CREBBP: variants seen among roughly 807,000 people sequenced by gnomAD.
CREBBP encodes the protein CREB binding lysine acetyltransferase, also known as CREB-binding protein.
A neutral mutation model predicts 265.0 loss-of-function variants in CREBBP; 19 were observed. That is an observed-to-expected ratio of 0.07 (90% confidence interval 0.05 to 0.11). CREBBP has a LOEUF of 0.11. CREBBP is among the 10% of genes least tolerant of loss of function. The pLI, the probability that CREBBP is intolerant of heterozygous loss-of-function variation, is 1.00. For missense variants in CREBBP, 2,525 were observed against 3,219.0 expected, an observed-to-expected ratio of 0.78 and a Z score of 5.22; for synonymous variants, 1,457 against 1,223.7, an observed-to-expected ratio of 1.19 and a Z score of -3.98.
chr16:3,767,992 T>C, intron 15 of CREBBP, 83 bp from the exon 16 acceptor site: 1 of 1,353,622 alleles, frequency 7.4e-7, no homozygotes, highest in Non-Finnish European at 1.1e-6. Context: ...CTTACAAGCC[T>C]AAAACAGGTT....
chr16:3,773,598 A>G, intron 13 of CREBBP, 153 bp downstream of exon 13: 2 of 797,976 alleles, frequency 2.5e-6, no homozygotes, highest in East Asian at 5.4e-5. Flanking sequence ...ACTACAGGAC[A>G]AAGGTGGAGA....
chr16:3,873,295 TA>T (rs1268736611), intron 1 of CREBBP, among the ~76,000 whole-genome samples: 1 of 152,246 alleles, frequency 6.6e-6, no homozygotes, highest in Non-Finnish European at 1.5e-5. Context: ...ACACACCATT[TA>T]AGTTTTCGTA....
chr16:3,869,045 C>T lies in CREBBP; in HGVS notation c.85+10787G>A, dbSNP rs566481551. Reference sequence around the variant, plus strand: ...AGTGAACATAACCCAAAAACTGTCACAAGAGCCAGACCTCCACCCTGCTAT... The same window carrying T: ...AGTGAACATAACCCAAAAACTGTCATAAGAGCCAGACCTCCACCCTGCTAT... On this transcript the variant is annotated intron_variant, in intron 1 of 30. Transcript: ENST00000262367. 2.1e-4 allele frequency among the ~76,000 whole-genome samples: 32 copies of T among 152,300 alleles called. No individual in the cohort carries two copies. The South Asian group carries it at 6.6e-3, about 32-fold the overall frequency.
intron 21 of CREBBP, among the ~76,000 whole-genome samples, chr16:3,748,102 T>TC (rs1185034575): frequency 2.0e-5 from 3 of 147,586 alleles, no homozygotes; most frequent in African/African-American, 7.9e-5. Context: ...AAAATAAAAA[T>TC]AAATACATAC....
chr16:3,766,228 A>G (rs1256059544), intron 16 of CREBBP, among the ~76,000 whole-genome samples: 2 of 152,226 alleles, frequency 1.3e-5, no homozygotes, highest in Non-Finnish European at 2.9e-5. Context: ...TTCTGGTTCA[A>G]TGTCGCAACT....
chr16:3,789,188 G>C (rs2053453251), intron 5 of CREBBP, among the ~76,000 whole-genome samples: 2 of 152,290 alleles, frequency 1.3e-5, no homozygotes, highest in South Asian at 2.1e-4. Flanking sequence ...GAGTCCCGGG[G>C]CCCCTAAGGC....
At chr16:3,729,935 C>T (rs2051866667) in intron 30 of CREBBP, 61 bp from the exon 31 acceptor site, 1 of 1,583,136 alleles carries the variant, frequency 6.3e-7, no homozygotes, top group African/African-American at 1.3e-5. Context: ...ACCAGGCATC[C>T]TGGCTGCTTC....
chr16:3,878,919 ATAACT>A (rs2055458403), intron 1 of CREBBP, among the ~76,000 whole-genome samples: 1 of 152,214 alleles, frequency 6.6e-6, no homozygotes, highest in Non-Finnish European at 1.5e-5. Context: ...AGCAGCTATG[ATAACT>A]TAAGAAAGTT....
intron 21 of CREBBP, among the ~76,000 whole-genome samples, chr16:3,748,015 G>A (rs539385668): frequency 1.2e-4 from 19 of 152,292 alleles, no homozygotes; most frequent in Admixed American, 5.9e-4. Flanking sequence ...GCTTGAACCC[G>A]GGAGACGGAG....
chr16:3,777,641 C>A lies in CREBBP; in HGVS notation c.2130G>T (p.Leu710=), dbSNP rs754744293. ...GAGAAACTTGCATGCGATTCACTGG[C>A]AGGGACAGGGGTCCATCTATGGTGG... ...PVRPPNGPLS[L]PVNRMQVSQG... The change falls in exon 11 of 31, where the codon CTG becomes CTT. Residue 710 remains leucine (L), a synonymous_variant. Coordinates refer to ENST00000262367, the MANE Select transcript of CREBBP (RefSeq NM_004380.3). 2.5e-6 allele frequency: 4 copies of A among 1,614,100 alleles called. No homozygotes were observed. In the South Asian group the frequency reaches 4.4e-5, roughly 18 times the overall value.
intron 1 of CREBBP, among the ~76,000 whole-genome samples, chr16:3,874,480 A>G (rs995394379): frequency 1.3e-5 from 2 of 152,356 alleles, no homozygotes; most frequent in East Asian, 3.9e-4. Flanking sequence ...CTTTACAACT[A>G]GAGTTTTACT....
intron 19 of CREBBP, among the ~76,000 whole-genome samples, chr16:3,754,180 A>T (rs56834431): frequency 0.023 from 3,485 of 152,276 alleles, 135 homozygotes; most frequent in African/African-American, 0.079. Flanking sequence ...GAAATGGACA[A>T]TTTAGCCTGT....
At chr16:3,859,508 G>A (rs1467143799) in intron 1 of CREBBP, among the ~76,000 whole-genome samples, 3 of 152,112 alleles carry the variant, frequency 2.0e-5, no homozygotes, top group Non-Finnish European at 2.9e-5. Flanking sequence ...ATGTCTTTTC[G>A]TATGCTCACG....
rs1256902034 is a variant in CREBBP at position 3,778,049 on chromosome 16, G to T, written c.2075C>A (p.Pro692His). The T allele has an allele frequency of 5.6e-6, 9 of 1,614,194 alleles. No homozygotes were observed. Among genetic ancestry groups the T allele is most frequent in the Non-Finnish European group, 7.6e-6 (9 of 1,180,002 alleles). Reference sequence around the variant, plus strand: ...AGGTTGTGCCTGTGGAATCACAGGGGGCTGAGCCCCCGGGGCTGGTAAGGC... The same window carrying T: ...AGGTTGTGCCTGTGGAATCACAGGGTGCTGAGCCCCCGGGGCTGGTAAGGC... ...QPALPAPGAQPPVIPQAQPVR... is the reference protein window; with the variant it reads ...QPALPAPGAQHPVIPQAQPVR... The change falls in exon 10 of 31, where the codon CCC becomes CAC. Residue 692 changes from proline (P) to histidine (H), a missense_variant. This residue lies in a region of CREBBP where 548 missense variants were observed against 533.0 expected (regional missense o/e 1.03). Transcript: ENST00000262367.
intron 3 of CREBBP, among the ~76,000 whole-genome samples, chr16:3,796,809 C>T (rs1425343864): frequency 6.6e-6 from 1 of 152,116 alleles, no homozygotes; most frequent in African/African-American, 2.4e-5. Flanking sequence ...GGATGGAGGA[C>T]AAATGCACAG....
chr16:3,812,891 A>C (rs1391314906), intron 2 of CREBBP: 1 of 197,184 alleles, frequency 5.1e-6, no homozygotes, highest in Non-Finnish European at 1.0e-5. Flanking sequence ...CCCAGGGGTG[A>C]GTTTCCAGTT....
intron 16 of CREBBP, among the ~76,000 whole-genome samples, chr16:3,760,180 CTCCCAG>C (rs2052680298): frequency 6.6e-6 from 1 of 152,114 alleles, no homozygotes; most frequent in Non-Finnish European, 1.5e-5. Flanking sequence ...CAGCTTCAAC[CTCCCAG>C]GCTCAAGCCA....
intron 3 of CREBBP, among the ~76,000 whole-genome samples, chr16:3,809,281 G>A (rs184731486): frequency 7.9e-5 from 12 of 152,026 alleles, no homozygotes; most frequent in South Asian, 2.1e-4. Context: ...AGGTTCAAGC[G>A]ATTCTCTTGC....
At chr16:3,805,244 T>C (rs976706508) in intron 3 of CREBBP, among the ~76,000 whole-genome samples, 2 of 152,214 alleles carry the variant, frequency 1.3e-5, no homozygotes, top group South Asian at 2.1e-4. Context: ...CTAATAATTA[T>C]AGACAAGGGC....
Sources: allele counts gnomAD v4.1 joint callset (sites outside exome capture counted in the v4.1 genomes callset), GRCh38; gene constraint gnomAD v4.1.1; regional missense constraint gnomAD v4.1.1; transcripts MANE v1.5; gene names NCBI Gene and HGNC (gene_info 2026-07-23, HGNC 2026-07-21).